VPS53: variants seen among roughly 807,000 people sequenced by gnomAD.
VPS53 encodes vacuolar protein sorting-associated protein 53 homolog.
Under a neutral mutation model 107.0 loss-of-function variants are expected in VPS53, and 70 were observed. The ratio of observed to expected loss-of-function variants is 0.65; its 90% CI spans 0.54 to 0.80. The LOEUF (loss-of-function observed/expected upper bound fraction) is 0.80, where lower values mean the gene tolerates loss of function less well. Among genes scored for constraint, VPS53 ranks in the 30% least tolerant of loss-of-function variants. The pLI, the probability that VPS53 is intolerant of heterozygous loss-of-function variation, is 0.00. For missense variants in VPS53, 917 were observed against 1,049.4 expected, an observed-to-expected ratio of 0.87 and a Z score of 1.74; for synonymous variants, 409 against 393.3, an observed-to-expected ratio of 1.04 and a Z score of -0.47.
chr17:600,387 G>A (rs940555426), intron 12 of VPS53, among the ~76,000 whole-genome samples: 10 of 152,192 alleles, frequency 6.6e-5, no homozygotes, highest in African/African-American at 2.2e-4. Context: ...TGGAGGACAT[G>A]CCAGAAGCAT....
At chr17:664,314 G>A (rs945112089) in intron 4 of VPS53, among the ~76,000 whole-genome samples, 3 of 152,078 alleles carry the variant, frequency 2.0e-5, no homozygotes, top group Non-Finnish European at 2.9e-5. Context: ...TCCTGACCTC[G>A]TGATCTGCCC....
chr17:527,146 A>G (rs1183969488), intron 19 of VPS53, among the ~76,000 whole-genome samples: 1 of 152,246 alleles, frequency 6.6e-6, no homozygotes, highest in African/African-American at 2.4e-5. Flanking sequence ...AACGGAAGAC[A>G]GAGCACACTT....
chr17:629,699 C>G (rs1173700965), intron 8 of VPS53, among the ~76,000 whole-genome samples: 1 of 151,148 alleles, frequency 6.6e-6, no homozygotes, highest in Non-Finnish European at 1.5e-5. Flanking sequence ...GAAGGTGGAG[C>G]TTGCAGTGAG....
intron 8 of VPS53, among the ~76,000 whole-genome samples, chr17:630,534 G>A (rs954718803): frequency 6.6e-6 from 1 of 152,194 alleles, no homozygotes; most frequent in Non-Finnish European, 1.5e-5. Context: ...CAAGGAAAGT[G>A]CTTTACAAAT....
chr17:553,271 T>G (rs1227467138), intron 16 of VPS53, 109 bp downstream of exon 16: 1 of 883,182 alleles, frequency 1.1e-6, no homozygotes, highest in African/African-American at 1.7e-5. Context: ...TGCTGTGTAG[T>G]GGAGAAAGGG....
chr17:564,846 T>C lies in VPS53; in HGVS notation c.1314-2101A>G, dbSNP rs76097471. On this transcript the variant is annotated intron_variant, in intron 13 of 21. Coordinates refer to ENST00000437048, the MANE Select transcript of VPS53 (RefSeq NM_001128159.3). ...ACATCCCTGTAATTGTTCCGTTGAA[T>C]TGTGTCATCACCTGTGAGGATCCAG... is the stretch of plus-strand genomic sequence containing the variant. Among the ~76,000 whole-genome samples the C allele has an allele frequency of 9.5e-3, 1,453 of 152,348 alleles. 29 individuals carry two copies. The highest frequency in any genetic ancestry group is 0.033 in the African/African-American group (1,389 of 41,574).
chr17:591,569 G>A lies in VPS53; in HGVS notation c.1219-5205C>T, dbSNP rs566199136. On this transcript the variant is annotated intron_variant, in intron 12 of 21. Coordinates refer to ENST00000437048, the MANE Select transcript of VPS53 (RefSeq NM_001128159.3). ...CTTTGAATGTGTCCCAGAGATTCTG[G>A]TATGTTGCGTCTTTGTTCTCGTTGG... 3.1e-3 allele frequency among the ~76,000 whole-genome samples: 470 copies of A among 152,056 alleles called. 3 individuals carry two copies. The highest frequency in any genetic ancestry group is 5.2e-3 in the Non-Finnish European group (355 of 68,006).
At chr17:707,333 C>A (rs1368674205) in intron 2 of VPS53, among the ~76,000 whole-genome samples, 1 of 148,152 alleles carries the variant, frequency 6.7e-6, no homozygotes, top group Non-Finnish European at 1.5e-5. Flanking sequence ...ACCAGCCTGG[C>A]CAACATGGTG....
intron 7 of VPS53, among the ~76,000 whole-genome samples, chr17:631,904 A>G (rs1000343578): frequency 6.6e-6 from 1 of 152,072 alleles, no homozygotes; most frequent in African/African-American, 2.4e-5. Flanking sequence ...ATACAGTTCC[A>G]CTGGGGGATA....
chr17:587,209 C>T (rs1195007343), intron 12 of VPS53, among the ~76,000 whole-genome samples: 1 of 152,070 alleles, frequency 6.6e-6, no homozygotes. Flanking sequence ...ACTATAGGCA[C>T]ACGCCACCAC....
rs140808632 is a variant in VPS53 at position 585,716 on chromosome 17, T to A, written c.1313+554A>T. Among the ~76,000 whole-genome samples, 30 of 152,192 alleles carry A rather than the reference T, an allele frequency of 2.0e-4. No individual in the cohort carries two copies. The East Asian group carries it at 4.6e-3, about 24-fold the overall frequency. On this transcript the variant is annotated intron_variant, in intron 13 of 21. Coordinates refer to ENST00000437048, the MANE Select transcript of VPS53 (RefSeq NM_001128159.3). ...TTAAAGGAGACCAAGATCAAAGAGA[T>A]CTGACAACGAAATGCATGATTATTG...
intron 2 of VPS53, among the ~76,000 whole-genome samples, chr17:704,562 C>T (rs1261475545): frequency 1.3e-5 from 2 of 152,156 alleles, no homozygotes; most frequent in African/African-American, 4.8e-5. Context: ...TCATTAAGAT[C>T]CACAGGAATC....
intron 20 of VPS53, among the ~76,000 whole-genome samples, chr17:521,128 T>C (rs1908719842): frequency 6.6e-6 from 1 of 152,358 alleles, no homozygotes; most frequent in African/African-American, 2.4e-5. Context: ...CGTTCCTCAC[T>C]CGAAGTACAG....
intron 6 of VPS53, among the ~76,000 whole-genome samples, chr17:654,842 G>A (rs1437554599): frequency 6.6e-6 from 1 of 151,664 alleles, no homozygotes; most frequent in Non-Finnish European, 1.5e-5. Context: ...TCTTACCACC[G>A]CCCAGTCTTA....
At chr17:713,572 GA>G (rs1435349551) in intron 1 of VPS53, among the ~76,000 whole-genome samples, 1 of 151,956 alleles carries the variant, frequency 6.6e-6, no homozygotes, top group Non-Finnish European at 1.5e-5. Context: ...AGAATCACTT[GA>G]ACCTGGAAGC....
intron 8 of VPS53, among the ~76,000 whole-genome samples, chr17:628,770 T>A (rs1393270129): frequency 1.3e-5 from 2 of 152,166 alleles, no homozygotes; most frequent in Non-Finnish European, 2.9e-5. Flanking sequence ...ACGACATGTG[T>A]TTCACAATAG....
chr17:648,714 G>A (rs545899151), intron 7 of VPS53, among the ~76,000 whole-genome samples: 19 of 151,742 alleles, frequency 1.3e-4, no homozygotes, highest in African/African-American at 4.3e-4. Context: ...GAGGACAGAG[G>A]AATGGAACAG....
intron 19 of VPS53, among the ~76,000 whole-genome samples, chr17:530,345 G>T (rs1031417570): frequency 6.6e-6 from 1 of 151,854 alleles, no homozygotes; most frequent in African/African-American, 2.4e-5. Context: ...GTAGAGACGG[G>T]GGTTTCACTG....
chr17:578,712 C>T (rs1256213399), intron 13 of VPS53, among the ~76,000 whole-genome samples: 2 of 150,594 alleles, frequency 1.3e-5, no homozygotes, highest in African/African-American at 4.9e-5. Context: ...TCCCTCAGAA[C>T]CTCAGTCAAT....
Sources: gnomAD v4.1 joint callset for allele counts (sites outside exome capture counted in the v4.1 genomes callset) on GRCh38, gnomAD v4.1.1 for gene constraint, MANE v1.5 for transcripts, NCBI Gene and HGNC (gene_info 2026-07-23, HGNC 2026-07-21) for gene names.